The following DHRSX variants were observed in gnomAD, a reference collection of about 807,000 sequenced individuals.
The protein encoded by DHRSX is dehydrogenase/reductase X-linked.
In DHRSX, 31 loss-of-function variants were observed where a neutral mutation model predicts 34.0. The ratio of observed to expected loss-of-function variants is 0.91; its 90% CI spans 0.69 to 1.23. The LOEUF is 1.23. Among genes scored for constraint, DHRSX ranks in the 50% most tolerant of loss-of-function variants. DHRSX has a pLI of 0.00. For synonymous variants in DHRSX, 201 were observed against 183.8 expected, an observed-to-expected ratio of 1.09 and a Z score of -0.76; for missense variants, 414 against 428.1, an observed-to-expected ratio of 0.97 and a Z score of 0.29.
chrX:2,292,653 G>C (rs1404284474), intron 3 of DHRSX, among the ~76,000 whole-genome samples: 1 of 152,042 alleles, frequency 6.6e-6, no homozygotes, highest in Non-Finnish European at 1.5e-5. Context: ...TAAGAAGTAC[G>C]AGCCCTTCCA....
At chrX:2,227,551 G>C (rs1184203934) in intron 6 of DHRSX, among the ~76,000 whole-genome samples, 1 of 123,424 alleles carries the variant, frequency 8.1e-6, no homozygotes, top group Non-Finnish European at 1.7e-5. Flanking sequence ...GAAGAAAAAA[G>C]GGAGAAAGGA....
intron 3 of DHRSX, among the ~76,000 whole-genome samples, chrX:2,300,546 A>T (rs2041997783): frequency 2.0e-5 from 3 of 152,210 alleles, no homozygotes; most frequent in Admixed American, 2.0e-4. Flanking sequence ...ATCAGCTGCC[A>T]GCACAGCACA....
chrX:2,440,998 C>T (rs1167292443), intron 1 of DHRSX, among the ~76,000 whole-genome samples: 2 of 152,150 alleles, frequency 1.3e-5, no homozygotes, highest in Admixed American at 6.6e-5. Context: ...GAGCTACAGA[C>T]GACGCAGACG....
intron 1 of DHRSX, among the ~76,000 whole-genome samples, chrX:2,477,347 C>T (rs373439798): frequency 8.6e-5 from 13 of 151,898 alleles, no homozygotes; most frequent in African/African-American, 2.9e-4. Context: ...GCCTCAGGAA[C>T]GTGGCACAGT....
chrX:2,439,147 T>C (rs1299355840), intron 1 of DHRSX, among the ~76,000 whole-genome samples: 1 of 128,712 alleles, frequency 7.8e-6, no homozygotes, highest in Admixed American at 7.7e-5. Context: ...CTTTTTTGTC[T>C]CAAAAAAAAA....
At chrX:2,290,932 G>A (rs1482811872) in intron 4 of DHRSX, among the ~76,000 whole-genome samples, 1 of 152,160 alleles carries the variant, frequency 6.6e-6, no homozygotes, top group Non-Finnish European at 1.5e-5. Context: ...AGCGCTCAGC[G>A]TGGCCCAAAG....
chrX:2,345,473 T>A (rs1282186008), intron 3 of DHRSX, among the ~76,000 whole-genome samples: 1 of 151,666 alleles, frequency 6.6e-6, no homozygotes, highest in East Asian at 1.9e-4. Context: ...TGAAACCTTG[T>A]CTCTACCAAA....
At chrX:2,476,352 T>C (rs1180406745) in intron 1 of DHRSX, among the ~76,000 whole-genome samples, 2 of 150,152 alleles carry the variant, frequency 1.3e-5, no homozygotes, top group African/African-American at 4.9e-5. Context: ...GAGCCAAGAT[T>C]GAGCCATTGC....
rs905073170 is a variant in DHRSX at position 2,399,734 on chromosome X, A to C, written c.286+9011T>G. 1.1e-3 allele frequency among the ~76,000 whole-genome samples: 156 copies of C among 141,486 alleles called. 3 individuals carry two copies. Among genetic ancestry groups the C allele is most frequent in the African/African-American group, 4.1e-3 (151 of 37,164 alleles). 92.8% of individuals were successfully genotyped at this position (141,486 alleles called of 152,430 possible). A position where few individuals can be genotyped will look rare whatever the true frequency, so the allele number is the denominator to read the frequency against. Reference sequence around the variant, plus strand: ...ACAAACAAACAAAAAGCAAAAAAAAAAAAAAAAACAAAAAAACACAGGGGC... The same window carrying C: ...ACAAACAAACAAAAAGCAAAAAAAACAAAAAAAACAAAAAAACACAGGGGC... On this transcript the variant is annotated intron_variant, in intron 3 of 6. Transcript: ENST00000334651.
At chrX:2,276,077 C>T (rs747396620) in intron 4 of DHRSX, among the ~76,000 whole-genome samples, 150 of 152,266 alleles carry the variant, frequency 9.9e-4, no homozygotes, top group Non-Finnish European at 1.8e-3. Flanking sequence ...CTCCTGACCT[C>T]GTGATCCATC....
rs746132096 is a variant in DHRSX at position 2,489,289 on chromosome X, G to C, written c.109+11528C>G. The C allele has an allele frequency of 8.7e-6, 14 of 1,613,818 alleles. No homozygotes were observed. The Admixed American group carries it at 1.2e-4, about 13-fold the overall frequency. ...AGAGGAAGGGCAGCCTCTTGTAGCG[G>C]GGGTCCAGGAAGGTGGCCACGTTGA... On this transcript the variant is annotated intron_variant, in intron 1 of 6. Coordinates refer to ENST00000334651, the MANE Select transcript of DHRSX (RefSeq NM_145177.3).
At chrX:2,294,631 C>T (rs759813915) in intron 3 of DHRSX, among the ~76,000 whole-genome samples, 2 of 149,434 alleles carry the variant, frequency 1.3e-5, no homozygotes, top group South Asian at 4.2e-4. Flanking sequence ...CGCCACTGCA[C>T]TCCAGCCTGG....
intron 4 of DHRSX, among the ~76,000 whole-genome samples, chrX:2,273,668 C>T (rs1217166759): frequency 6.6e-6 from 1 of 152,188 alleles, no homozygotes; most frequent in African/African-American, 2.4e-5. Context: ...TCTGCTCTTC[C>T]CATCTTTGTG....
chrX:2,330,092 GGGAGGGAGGGAGA>G (rs2042441396), intron 3 of DHRSX, among the ~76,000 whole-genome samples: 1 of 10,682 alleles, frequency 9.4e-5, no homozygotes, highest in Non-Finnish European at 3.1e-4. Context: ...GGGGGGGGGG[GGGAGGGAGGGAGA>G]GAGAGAGAGA....
chrX:2,295,712 C>A (rs186187011), intron 3 of DHRSX, among the ~76,000 whole-genome samples: 3 of 152,232 alleles, frequency 2.0e-5, no homozygotes, highest in Non-Finnish European at 4.4e-5. Context: ...TTTTGTTACA[C>A]GGCATGTGTA....
intron 6 of DHRSX, among the ~76,000 whole-genome samples, chrX:2,232,527 T>C (rs1411561147): frequency 6.6e-6 from 1 of 152,026 alleles, no homozygotes; most frequent in Non-Finnish European, 1.5e-5. Context: ...ACTGCACCCC[T>C]GGTATTTCTA....
At chrX:2,284,897 T>A (rs1029799803) in intron 4 of DHRSX, among the ~76,000 whole-genome samples, 3 of 152,190 alleles carry the variant, frequency 2.0e-5, no homozygotes, top group Non-Finnish European at 4.4e-5. Context: ...AAAACCTTGA[T>A]TGCTCTAAGA....
In DHRSX at chrX:2,259,716, T is replaced by C. The variant is rs1434783166; in HGVS notation, c.596+7024A>G. On this transcript the variant is annotated intron_variant, in intron 5 of 6. Transcript: ENST00000334651. ...TTCTAGGGCAGGAACCCTTCCTGCC[T>C]TTCCCAGCTTCTGGGGGCTCGGGGA... 5.3e-5 allele frequency among the ~76,000 whole-genome samples: 8 copies of C among 152,272 alleles called. No individual in the cohort carries two copies. In the East Asian group the frequency reaches 1.4e-3, roughly 26 times the overall value.
chrX:2,397,926 G>A (rs1039363485), intron 3 of DHRSX, among the ~76,000 whole-genome samples: 20 of 82,430 alleles, frequency 2.4e-4, no homozygotes, highest in Non-Finnish European at 4.0e-4. Context: ...TATCCTCAGA[G>A]CGCGCACACA....
Sources: gnomAD v4.1 joint callset for allele counts (sites outside exome capture counted in the v4.1 genomes callset) on GRCh38, gnomAD v4.1.1 for gene constraint, MANE v1.5 for transcripts, NCBI Gene and HGNC (gene_info 2026-07-23, HGNC 2026-07-21) for gene names.